Variants in MAML2 observed in about 807,000 individuals in gnomAD.
MAML2 encodes the protein mastermind like transcriptional coactivator 2.
MAML2 carries 22 observed loss-of-function variants against 96.1 expected under a neutral mutation model. That is an observed-to-expected ratio of 0.23 (90% confidence interval 0.16 to 0.33). The LOEUF is 0.33. Ranked by LOEUF, MAML2 falls within the 10% of genes least tolerant of loss-of-function variation. MAML2 has a pLI of 1.00. For missense variants in MAML2, 1,367 were observed against 1,392.4 expected, an observed-to-expected ratio of 0.98 and a Z score of 0.29; for synonymous variants, 561 against 521.3, an observed-to-expected ratio of 1.08 and a Z score of -1.04.
At chr11:95,985,874 T>C (rs1857816690) in intron 3 of MAML2, among the ~76,000 whole-genome samples, 1 of 152,212 alleles carries the variant, frequency 6.6e-6, no homozygotes, top group African/African-American at 2.4e-5. Flanking sequence ...ACATGTGTTT[T>C]GGTTCTAGTA....
At chr11:96,034,408 AGTGTGT>A (rs5793773) in intron 2 of MAML2, among the ~76,000 whole-genome samples, 10 of 126,730 alleles carry the variant, frequency 7.9e-5, no homozygotes, top group African/African-American at 2.7e-4. Context: ...AATACTTTGA[AGTGTGT>A]GTGTGTGTGT....
chr11:96,320,669 G>A (rs1863687821), intron 1 of MAML2, among the ~76,000 whole-genome samples: 1 of 152,202 alleles, frequency 6.6e-6, no homozygotes, highest in Admixed American at 6.5e-5. Flanking sequence ...AAGAAGACAG[G>A]AATAGGAGTT....
At chr11:96,027,935 T>C (rs966568381) in intron 2 of MAML2, among the ~76,000 whole-genome samples, 2 of 152,104 alleles carry the variant, frequency 1.3e-5, no homozygotes, top group Non-Finnish European at 2.9e-5. Flanking sequence ...TTTTGCCATG[T>C]TGCCCAGGCT....
intron 2 of MAML2, among the ~76,000 whole-genome samples, chr11:96,039,061 G>C (rs928008426): frequency 2.6e-5 from 4 of 152,054 alleles, no homozygotes; most frequent in African/African-American, 9.7e-5. Context: ...GACCAGCTTA[G>C]GCAACATAGT....
At chr11:96,223,186 A>T (rs1862164516) in intron 1 of MAML2, among the ~76,000 whole-genome samples, 1 of 152,188 alleles carries the variant, frequency 6.6e-6, no homozygotes, top group African/African-American at 2.4e-5. Flanking sequence ...GGAATTGCAG[A>T]AATGAAAGCA....
chr11:96,001,200 C>T (rs1858072835), intron 2 of MAML2, among the ~76,000 whole-genome samples: 1 of 152,138 alleles, frequency 6.6e-6, no homozygotes, highest in Non-Finnish European at 1.5e-5. Context: ...TATTCTCAGC[C>T]TCTGGGGTGG....
At chr11:96,041,505 A>AGGG in intron 2 of MAML2, among the ~76,000 whole-genome samples, 4 of 125,488 alleles carry the variant, frequency 3.2e-5, no homozygotes, top group Admixed American at 1.9e-4. Context: ...AAAGGAAGGA[A>AGGG]AGGAAGGAAG....
At chr11:96,022,807 A>C (rs2135738155) in intron 2 of MAML2, among the ~76,000 whole-genome samples, 1 of 152,126 alleles carries the variant, frequency 6.6e-6, no homozygotes, top group South Asian at 2.1e-4. Context: ...TTGAGGAAGC[A>C]CTTGGCCCAT....
In MAML2 at chr11:96,162,576, T is replaced by G. The variant is rs113651003; in HGVS notation, c.514-69059A>C. 8.2e-3 allele frequency among the ~76,000 whole-genome samples: 1,241 copies of G among 152,006 alleles called. 20 individuals are homozygous for G. Among genetic ancestry groups the G allele is most frequent in the African/African-American group, 0.028 (1,159 of 41,444 alleles). On this transcript the variant is annotated intron_variant, in intron 1 of 4. Coordinates refer to ENST00000524717, the MANE Select transcript of MAML2 (RefSeq NM_032427.4). Reference sequence around the variant, plus strand: ...AAAATACGAAATTAGCCGGGCATGGTGGTGCATGCCGGTAATCCCAGCTAC... The same window carrying G: ...AAAATACGAAATTAGCCGGGCATGGGGGTGCATGCCGGTAATCCCAGCTAC...
intron 1 of MAML2, among the ~76,000 whole-genome samples, chr11:96,213,879 G>A (rs1350264233): frequency 6.6e-6 from 1 of 152,104 alleles, no homozygotes; most frequent in African/African-American, 2.4e-5. Context: ...CGGTTCCCTG[G>A]GTAAGATGTG....
In MAML2 at chr11:95,994,370, C is replaced by T. The variant is rs182619874; in HGVS notation, c.2140-2647G>A. 5.3e-5 allele frequency among the ~76,000 whole-genome samples: 8 copies of T among 152,276 alleles called. No individual in the cohort carries two copies. In the South Asian group the frequency reaches 6.2e-4, roughly 12 times the overall value. On this transcript the variant is annotated intron_variant, in intron 2 of 4. Coordinates refer to ENST00000524717, the MANE Select transcript of MAML2 (RefSeq NM_032427.4). ...TCAACTTTAAATCCATCATGAATTTCGGAGACTTCACCGCCTGTGTTCTAT... is the reference window on the plus strand; with the variant it reads ...TCAACTTTAAATCCATCATGAATTTTGGAGACTTCACCGCCTGTGTTCTAT...
intron 2 of MAML2, among the ~76,000 whole-genome samples, chr11:96,050,433 G>A (rs1858973045): frequency 6.6e-6 from 1 of 152,200 alleles, no homozygotes; most frequent in Non-Finnish European, 1.5e-5. Context: ...ATCCTTCACA[G>A]GGACATTGGA....
chr11:96,201,072 A>G (rs1259119658), intron 1 of MAML2, among the ~76,000 whole-genome samples: 1 of 152,196 alleles, frequency 6.6e-6, no homozygotes, highest in Admixed American at 6.5e-5. Flanking sequence ...TCATTTACTT[A>G]GGCCACGAAA....
chr11:96,088,182 A>G (rs1369931842), intron 2 of MAML2, among the ~76,000 whole-genome samples: 1 of 152,176 alleles, frequency 6.6e-6, no homozygotes, highest in Non-Finnish European at 1.5e-5. Flanking sequence ...TTAATATATG[A>G]TTGAGGAACT....
chr11:96,245,893 C>T (rs192251334), intron 1 of MAML2, among the ~76,000 whole-genome samples: 12 of 151,998 alleles, frequency 7.9e-5, no homozygotes, highest in South Asian at 2.1e-4. Context: ...TTAGTAGAGA[C>T]GGGGTTTCAC....
intron 1 of MAML2, among the ~76,000 whole-genome samples, chr11:96,324,284 A>C (rs1765695886): frequency 6.6e-6 from 1 of 152,236 alleles, no homozygotes; most frequent in African/African-American, 2.4e-5. Flanking sequence ...GCCAAATGGG[A>C]ATAAGATAGT....
At chr11:96,140,320 T>C (rs188226243) in intron 1 of MAML2, among the ~76,000 whole-genome samples, 174 of 152,348 alleles carry the variant, frequency 1.1e-3, no homozygotes, top group Non-Finnish European at 1.0e-3. Context: ...TTCTTGTTAG[T>C]TCTTTGATCC....
At chr11:96,106,818 C>T (rs535850240) in intron 1 of MAML2, among the ~76,000 whole-genome samples, 2 of 152,106 alleles carry the variant, frequency 1.3e-5, no homozygotes, top group South Asian at 4.2e-4. Context: ...TTAACTCCCC[C>T]CTACCCAAAA....
intron 1 of MAML2, among the ~76,000 whole-genome samples, chr11:96,193,927 A>G (rs150211270): frequency 4.6e-5 from 7 of 152,286 alleles, no homozygotes; most frequent in African/African-American, 1.7e-4. Flanking sequence ...TTCTCACTGT[A>G]GCAGTGTCTG....
Sources: allele counts gnomAD v4.1 joint callset (sites outside exome capture counted in the v4.1 genomes callset), GRCh38; gene constraint gnomAD v4.1.1; transcripts MANE v1.5; gene names NCBI Gene and HGNC (gene_info 2026-07-23, HGNC 2026-07-21).